The following MTMR1 variants were observed in gnomAD, a reference collection of about 807,000 sequenced individuals.
MTMR1 encodes the protein myotubularin related protein 1, also known as phosphatidylinositol-3-phosphate phosphatase MTMR1.
Under a neutral mutation model 51.6 loss-of-function variants are expected in MTMR1, and 17 were observed. That is an observed-to-expected ratio of 0.33 (90% confidence interval 0.23 to 0.49). The LOEUF (loss-of-function observed/expected upper bound fraction) is 0.49. Ranked by LOEUF, MTMR1 falls within the 20% of genes least tolerant of loss-of-function variation. The probability of loss-of-function intolerance (pLI) is 0.99; values close to 1 mark genes in which losing one functional copy is unlikely to be tolerated. For missense variants in MTMR1, 386 were observed against 526.9 expected, an observed-to-expected ratio of 0.73 and a Z score of 2.62; for synonymous variants, 201 against 205.6, an observed-to-expected ratio of 0.98 and a Z score of 0.19.
intron 13 of MTMR1, among the ~76,000 whole-genome samples, chrX:150,746,340 T>A (rs2042574858): frequency 1.8e-5 from 2 of 111,571 alleles, no homozygotes; most frequent in East Asian, 5.6e-4. Flanking sequence ...GAGGGGCTGG[T>A]CCCAGAGGTA....
At chrX:150,735,568 A>G (rs2042243435) in intron 10 of MTMR1, 1 of 454,390 alleles carries the variant, frequency 2.2e-6, no homozygotes, top group Non-Finnish European at 3.9e-6. Context: ...CTACAGCAGG[A>G]ACCTTGAAAT....
intron 9 of MTMR1, 33 bp from the exon 10 acceptor site, chrX:150,732,509 A>T: frequency 8.8e-7 from 1 of 1,142,692 alleles, no homozygotes. Flanking sequence ...TTCTTTAGGA[A>T]CTGTACTAAT....
rs1262329989 is a variant in MTMR1, at chrX:150,728,862, A to AT, written c.555+1083dup. Among the ~76,000 whole-genome samples the AT allele has an allele frequency of 8.8e-3, 885 of 100,091 alleles. 10 individuals carry two copies. Among genetic ancestry groups the AT allele is most frequent in the South Asian group, 0.044 (98 of 2,220 alleles). The allele number at this position is 100,091 out of a possible 115,157, so 86.9% of individuals were successfully genotyped here. A position where few individuals can be genotyped will look rare whatever the true frequency, so the allele number is the denominator to read the frequency against. On this transcript the variant is annotated intron_variant, in intron 6 of 15. Transcript: ENST00000445323. ...TTGGTCCTAGACTGCGTTCAAAACC[A>AT]TTTTTTTTTTTTCCAAAGAACCCTT...
chrX:150,701,561 C>T (rs1557415928), intron 2 of MTMR1, among the ~76,000 whole-genome samples: 1 of 112,497 alleles, frequency 8.9e-6, no homozygotes, highest in Non-Finnish European at 1.9e-5. Flanking sequence ...TGCTGATTGT[C>T]TTCTGAGTTG....
rs190640948 is a variant in MTMR1, at chrX:150,745,619, C to T, written c.1566+1166C>T. Among the ~76,000 whole-genome samples, 345 of 111,452 alleles carry T rather than the reference C, an allele frequency of 3.1e-3. 1 individual carries two copies. The highest frequency in any genetic ancestry group is 5.2e-3 in the Non-Finnish European group (278 of 53,029). On this transcript the variant is annotated intron_variant, in intron 13 of 15. Transcript: ENST00000445323. ...TAGTCATGATGCTGCCTGTGCTGTC[C>T]GGCTCCCCAGCAGCTCTGCCCTGAG...
At chrX:150,706,117 G>C (rs1166336282) in intron 2 of MTMR1, among the ~76,000 whole-genome samples, 5 of 111,257 alleles carry the variant, frequency 4.5e-5, no homozygotes, top group African/African-American at 1.6e-4. Flanking sequence ...ATCATGACAT[G>C]GCAGGAGACA....
At position 150,750,856 on chromosome X, in the gene MTMR1, C is replaced by T; in HGVS notation, c.1680+13C>T. ...GCGATTCAAAGAGGTGAGTATGCTG[C>T]ATCCTTGTCTGTTGCTTTCCCTGTG... On this transcript the variant is annotated intron_variant, in intron 14 of 15. Coordinates refer to ENST00000445323, the MANE Select transcript of MTMR1 (RefSeq NM_001306144.3). 8.7e-7 allele frequency: 1 copy of T among 1,149,876 alleles called. No homozygotes were observed. 94.8% of individuals were successfully genotyped at this position (1,149,876 alleles called of 1,213,427 possible).
chrX:150,718,475 A>G, intron 3 of MTMR1, 150 bp from the exon 4 acceptor site: 1 of 606,612 alleles, frequency 1.6e-6, no homozygotes, highest in Admixed American at 4.9e-5. Context: ...TTGTCTTTGA[A>G]GGGGTTGGGT....
intron 5 of MTMR1, 63 bp from the exon 6 acceptor site, chrX:150,727,621 G>T (rs782554350): frequency 1.1e-6 from 1 of 890,622 alleles, no homozygotes; most frequent in Admixed American, 2.5e-5. Flanking sequence ...ACCCAGCAAA[G>T]ACTTAAAATA....
At chrX:150,752,299 A>G (rs1210472398) in intron 14 of MTMR1, among the ~76,000 whole-genome samples, 1 of 111,593 alleles carries the variant, frequency 9.0e-6, no homozygotes, top group African/African-American at 3.3e-5. Context: ...CATCTGGACT[A>G]AGGCAGAAAC....
chrX:150,757,309 G>A (rs191489238), intron 15 of MTMR1, among the ~76,000 whole-genome samples: 7 of 112,550 alleles, frequency 6.2e-5, no homozygotes, highest in African/African-American at 1.9e-4. Context: ...GCCCCAGGCC[G>A]CTGCTTGGCC....
intron 12 of MTMR1, among the ~76,000 whole-genome samples, chrX:150,738,997 G>A (rs1157031471): frequency 8.9e-6 from 1 of 112,344 alleles, no homozygotes; most frequent in South Asian, 3.7e-4. Flanking sequence ...TTTCTGAACT[G>A]TGCATTGAAT....
At chrX:150,693,897 G>A (rs1276024337) in intron 1 of MTMR1, among the ~76,000 whole-genome samples, 3 of 110,170 alleles carry the variant, frequency 2.7e-5, no homozygotes, top group African/African-American at 9.9e-5. Flanking sequence ...CCGCGCACCT[G>A]GCTCACTTCC....
chrX:150,726,436 T>G (rs1340313880), intron 4 of MTMR1, among the ~76,000 whole-genome samples: 1 of 111,763 alleles, frequency 8.9e-6, no homozygotes, highest in African/African-American at 3.3e-5. Context: ...GGACAGGAAC[T>G]TCTTCCAATT....
Position 150,764,011 on chromosome X carries a change from C to T in MTMR1, c.*1282C>T, listed in dbSNP as rs1388289304. The T allele has an allele frequency of 1.8e-5, 2 of 112,448 alleles. No individual in the cohort carries two copies. Among genetic ancestry groups the T allele is most frequent in the Non-Finnish European group, 3.8e-5 (2 of 53,251 alleles). 9.3% of individuals were successfully genotyped at this position (112,448 alleles called of 1,213,427 possible). A position where few individuals can be genotyped will look rare whatever the true frequency, so the allele number is the denominator to read the frequency against. On this transcript the variant is annotated 3_prime_UTR_variant, in exon 16 of 16. Transcript: ENST00000445323. ...GGTCCTGCCCCAGCAGGCCATGCCC[C>T]TCCCATGTGCCGTGCCTGTTGCTGC...
chrX:150,760,963 A>G (rs192062640), intron 15 of MTMR1, among the ~76,000 whole-genome samples: 2 of 109,428 alleles, frequency 1.8e-5, no homozygotes, highest in East Asian at 5.8e-4. Flanking sequence ...AAGAAAAGAA[A>G]TAGGTGAGAA....
At chrX:150,754,207 C>T (rs1282075488) in intron 14 of MTMR1, among the ~76,000 whole-genome samples, 1 of 113,239 alleles carries the variant, frequency 8.8e-6, no homozygotes, top group Admixed American at 9.3e-5. Context: ...GCCAGCACTG[C>T]TGGCATTGAT....
chrX:150,710,273 T>C (rs1557416183), intron 2 of MTMR1, among the ~76,000 whole-genome samples: 1 of 112,241 alleles, frequency 8.9e-6, no homozygotes, highest in African/African-American at 3.2e-5. Context: ...CACCTTGAAC[T>C]CAGCCAGATT....
intron 15 of MTMR1, among the ~76,000 whole-genome samples, chrX:150,760,690 A>C (rs1363917281): frequency 8.9e-6 from 1 of 111,879 alleles, no homozygotes; most frequent in Non-Finnish European, 1.9e-5. Context: ...TTGGGAGGCC[A>C]AGGCGGGCAG....
Sources: gnomAD v4.1 joint callset for allele counts (sites outside exome capture counted in the v4.1 genomes callset) on GRCh38, gnomAD v4.1.1 for gene constraint, MANE v1.5 for transcripts, NCBI Gene and HGNC (gene_info 2026-07-23, HGNC 2026-07-21) for gene names.